DGKG: variants seen among roughly 807,000 people sequenced by gnomAD.
The protein encoded by DGKG is diacylglycerol kinase gamma, also known as DAG kinase gamma.
A neutral mutation model predicts 105.3 loss-of-function variants in DGKG; 78 were observed. That is an observed-to-expected ratio of 0.74 (90% CI 0.62 to 0.89). The LOEUF is 0.89. Among genes scored for constraint, DGKG ranks in the 40% least tolerant of loss-of-function variants. The probability of loss-of-function intolerance (pLI) is 0.00; values close to 1 mark genes in which losing one functional copy is unlikely to be tolerated. For missense variants in DGKG, 958 were observed against 1,020.1 expected, an observed-to-expected ratio of 0.94 and a Z score of 0.83; for synonymous variants, 346 against 367.1, an observed-to-expected ratio of 0.94 and a Z score of 0.66.
intron 22 of DGKG, among the ~76,000 whole-genome samples, chr3:186,182,474 G>A (rs1395413887): frequency 2.6e-5 from 4 of 152,202 alleles, no homozygotes; most frequent in African/African-American, 7.2e-5. Flanking sequence ...GGCTGGAGAT[G>A]TCCAGGGACT....
At position 186,153,122 on chromosome 3, in the gene DGKG, G is replaced by A. The variant is rs142684720; in HGVS notation, c.2278-2934C>T. ...TTGTTTTTCAGCGGTTCTGACAAAG[G>A]TCTTGACAGGGTAGGAGTCTGGGGC... On this transcript the variant is annotated intron_variant, in intron 24 of 24. Coordinates refer to ENST00000265022, the MANE Select transcript of DGKG (RefSeq NM_001346.3). Among the ~76,000 whole-genome samples, 922 of 152,214 alleles carry A rather than the reference G, an allele frequency of 6.1e-3. 12 individuals are homozygous for A. Among genetic ancestry groups the A allele is most frequent in the African/African-American group, 0.021 (885 of 41,522 alleles).
intron 24 of DGKG, among the ~76,000 whole-genome samples, chr3:186,152,060 CAGAG>C (rs1053563360): frequency 5.9e-5 from 9 of 151,912 alleles, no homozygotes; most frequent in African/African-American, 2.2e-4. Context: ...GCCTGTGCGA[CAGAG>C]AGAGACTCCA....
At chr3:186,219,699 A>G (rs1290494412) in intron 20 of DGKG, among the ~76,000 whole-genome samples, 1 of 152,170 alleles carries the variant, frequency 6.6e-6, no homozygotes, top group East Asian at 1.9e-4. Context: ...AAGAGTGGGC[A>G]GAAAGATGGA....
intron 1 of DGKG, among the ~76,000 whole-genome samples, chr3:186,321,934 T>C (rs1725098457): frequency 6.6e-6 from 1 of 152,200 alleles, no homozygotes; most frequent in Non-Finnish European, 1.5e-5. Flanking sequence ...CCAGCTCGAC[T>C]CTGCTCCTTG....
intron 20 of DGKG, among the ~76,000 whole-genome samples, chr3:186,217,468 TACAA>T (rs1560100220): frequency 1.3e-5 from 2 of 152,174 alleles, no homozygotes; most frequent in Non-Finnish European, 2.9e-5. Flanking sequence ...AAATGGCAAA[TACAA>T]ACAGTGACAC....
Position 186,194,271 on chromosome 3 carries a change from C to A in DGKG, c.1918-5892G>T, listed in dbSNP as rs571155503. Reference sequence around the variant, plus strand: ...GCTAGGGAACTTGTAATCCTCTGCACCCCCGCCCTTGATGTCTCGATCCCT... The same window carrying A: ...GCTAGGGAACTTGTAATCCTCTGCAACCCCGCCCTTGATGTCTCGATCCCT... On this transcript the variant is annotated intron_variant, in intron 21 of 24. Transcript: ENST00000265022. Among the ~76,000 whole-genome samples, 67 of 152,354 alleles carry A rather than the reference C, an allele frequency of 4.4e-4. 1 individual carries two copies. The South Asian group carries it at 0.013, about 29-fold the overall frequency.
intron 16 of DGKG, among the ~76,000 whole-genome samples, chr3:186,258,438 G>T (rs1291258951): frequency 1.3e-5 from 2 of 152,144 alleles, no homozygotes; most frequent in Admixed American, 6.5e-5. Context: ...TATACCTGGG[G>T]TCCACCAACC....
At chr3:186,201,264 C>G (rs1251960302) in intron 21 of DGKG, among the ~76,000 whole-genome samples, 1 of 151,758 alleles carries the variant, frequency 6.6e-6, no homozygotes, top group Non-Finnish European at 1.5e-5. Context: ...GTGGATGGGG[C>G]TTTTTGAGGG....
chr3:186,249,832 A>AAAAACAAAACAAAACAAAAC (rs10693756), intron 19 of DGKG, among the ~76,000 whole-genome samples: 9 of 151,762 alleles, frequency 5.9e-5, no homozygotes, highest in African/African-American at 1.9e-4. Flanking sequence ...GACTCGTCTC[A>AAAAACAAAACAAAACAAAAC]AAAACAAAAC....
chr3:186,244,405 A>ATTTTT (rs1170691406), intron 19 of DGKG, among the ~76,000 whole-genome samples: 1 of 139,928 alleles, frequency 7.1e-6, no homozygotes, highest in African/African-American at 2.7e-5. Context: ...TTAGCTATTG[A>ATTTTT]TGTTTTTTTT....
Position 186,148,486 on chromosome 3 carries a change from C to A in DGKG, c.*1604G>T, listed in dbSNP as rs1038219968. 4.1e-6 allele frequency: 4 copies of A among 985,316 alleles called. No homozygotes were observed. The highest frequency in any genetic ancestry group is 6.1e-5 in the Admixed American group (1 of 16,272). The allele number at this position is 985,316 out of a possible 1,614,324, so 61.0% of individuals were successfully genotyped here. ...CGCTCGTTTTCTTGTGTGGGGATAT[C>A]CCATCCACGCATGTGCTGTACGTTT... On this transcript the variant is annotated 3_prime_UTR_variant, in exon 25 of 25. Coordinates refer to ENST00000265022, the MANE Select transcript of DGKG (RefSeq NM_001346.3).
chr3:186,219,965 C>T (rs1185566073), intron 20 of DGKG, among the ~76,000 whole-genome samples: 2 of 152,126 alleles, frequency 1.3e-5, no homozygotes, highest in Non-Finnish European at 2.9e-5. Flanking sequence ...AAGAGTTCTT[C>T]CAAAGTGTAA....
intron 17 of DGKG, among the ~76,000 whole-genome samples, chr3:186,255,696 C>T (rs1318827293): frequency 6.6e-6 from 1 of 152,182 alleles, no homozygotes; most frequent in Non-Finnish European, 1.5e-5. Flanking sequence ...AGGGTTTTGT[C>T]TTTATCCCAA....
intron 19 of DGKG, among the ~76,000 whole-genome samples, chr3:186,246,122 C>T (rs1024632718): frequency 6.6e-6 from 1 of 152,114 alleles, no homozygotes; most frequent in African/African-American, 2.4e-5. Flanking sequence ...CTGGCACCTG[C>T]CACCACGTCT....
chr3:186,314,531 G>C (rs551755085), intron 2 of DGKG, among the ~76,000 whole-genome samples: 1 of 152,202 alleles, frequency 6.6e-6, no homozygotes, highest in African/African-American at 2.4e-5. Flanking sequence ...GAGGCGGGTG[G>C]ATCACCTGAG....
chr3:186,227,077 G>C (rs1243143389), intron 20 of DGKG, among the ~76,000 whole-genome samples: 1 of 152,106 alleles, frequency 6.6e-6, no homozygotes, highest in South Asian at 2.1e-4. Context: ...TTGGAGGAGC[G>C]TTTATAGAGG....
intron 21 of DGKG, 112 bp from the exon 22 acceptor site, chr3:186,188,491 C>T (rs960287811): frequency 9.1e-6 from 10 of 1,094,128 alleles, no homozygotes; most frequent in East Asian, 2.5e-5. Flanking sequence ...AAGGATGTGA[C>T]AGGTCCTCAG....
chr3:186,276,075 A>G (rs1354246446), intron 9 of DGKG, among the ~76,000 whole-genome samples: 2 of 152,108 alleles, frequency 1.3e-5, no homozygotes, highest in Admixed American at 6.6e-5. Flanking sequence ...ACTTTATCCT[A>G]AATAAATAAT....
chr3:186,322,047 C>T (rs1725104423), intron 1 of DGKG, among the ~76,000 whole-genome samples: 1 of 152,112 alleles, frequency 6.6e-6, no homozygotes, highest in Non-Finnish European at 1.5e-5. Context: ...CTTTCTTTGC[C>T]ATGGCAGAAA....
Sources: gnomAD v4.1 joint callset for allele counts (sites outside exome capture counted in the v4.1 genomes callset) on GRCh38, gnomAD v4.1.1 for gene constraint, MANE v1.5 for transcripts, NCBI Gene and HGNC (gene_info 2026-07-23, HGNC 2026-07-21) for gene names.